The following FYTTD1 variants were observed in gnomAD, a reference collection of about 807,000 sequenced individuals.
FYTTD1 encodes UAP56-interacting factor.
FYTTD1 carries 22 observed loss-of-function variants against 40.9 expected under a neutral mutation model. That is an observed-to-expected ratio of 0.54 (90% CI 0.38 to 0.77). The LOEUF (loss-of-function observed/expected upper bound fraction) is 0.77. FYTTD1 is among the 30% of genes least tolerant of loss of function. The pLI, the probability that FYTTD1 is intolerant of heterozygous loss-of-function variation, is 0.00. For missense variants in FYTTD1, 351 were observed against 392.2 expected, an observed-to-expected ratio of 0.90 and a Z score of 0.89; for synonymous variants, 140 against 137.9, an observed-to-expected ratio of 1.01 and a Z score of -0.10.
chr3:197,767,796 A>G (rs966385778), intron 2 of FYTTD1, among the ~76,000 whole-genome samples: 1 of 152,240 alleles, frequency 6.6e-6, no homozygotes, highest in African/African-American at 2.4e-5. Context: ...TGGAAAACCA[A>G]AGTTGGTAAT....
At chr3:197,770,080 G>C (rs1729671384) in intron 3 of FYTTD1, 52 bp from the exon 4 acceptor site, 2 of 981,400 alleles carry the variant, frequency 2.0e-6, no homozygotes. Flanking sequence ...TATTGTAGTA[G>C]AGTATATAGA....
chr3:197,753,994 C>T (rs1262318636), intron 1 of FYTTD1, among the ~76,000 whole-genome samples: 3 of 152,142 alleles, frequency 2.0e-5, no homozygotes, highest in Non-Finnish European at 4.4e-5. Context: ...CCCACTTCGG[C>T]CTCCCAAAGT....
At chr3:197,764,527 G>C (rs1176057969) in intron 2 of FYTTD1, among the ~76,000 whole-genome samples, 1 of 152,042 alleles carries the variant, frequency 6.6e-6, no homozygotes, top group Non-Finnish European at 1.5e-5. Flanking sequence ...GGCCAACATA[G>C]TGAAACCCCA....
intron 4 of FYTTD1, among the ~76,000 whole-genome samples, chr3:197,772,758 G>A (rs1264066621): frequency 6.6e-6 from 1 of 152,146 alleles, no homozygotes; most frequent in African/African-American, 2.4e-5. Flanking sequence ...ACAGGCGTGT[G>A]CCACCAAGGC....
chr3:197,776,977 A>G lies in FYTTD1; in HGVS notation c.707A>G (p.Asn236Ser). 6.2e-7 allele frequency: 1 copy of G among 1,611,490 alleles called. No homozygotes were observed. The highest frequency in any genetic ancestry group is 2.2e-5 in the East Asian group (1 of 44,848). The change falls in exon 7 of 9, where the codon AAT becomes AGT. Residue 236 changes from asparagine to serine, a missense_variant. By Grantham distance (46) the Asn-to-Ser change is conservative (BLOSUM62 1). Transcript: ENST00000241502. ...GGGATTTTGACTGTATCTATTGACA[A>G]TCCTGGAGCAGTGCAATGCCCAGTG... The part of the protein sequence containing the change: ...NGGILTVSID[N>S]PGAVQCPVTQ...
chr3:197,750,113 G>A, intron 1 of FYTTD1, 39 bp downstream of exon 1: 3 of 1,451,150 alleles, frequency 2.1e-6, no homozygotes, highest in East Asian at 2.8e-5. Flanking sequence ...GTGCGGGGGA[G>A]GGCGCGGGTG....
chr3:197,766,727 G>T (rs1729561970), intron 2 of FYTTD1, among the ~76,000 whole-genome samples: 1 of 152,016 alleles, frequency 6.6e-6, no homozygotes, highest in African/African-American at 2.4e-5. Context: ...ATAGGCATCA[G>T]CCACCATGCC....
Position 197,773,454 on chromosome 3 carries a change from G to A in FYTTD1, c.549G>A (p.Gln183=). The A allele has an allele frequency of 6.2e-7, 1 of 1,603,836 alleles. No homozygotes were observed. Among genetic ancestry groups the A allele is most frequent in the Middle Eastern group, 1.7e-4 (1 of 6,048 alleles). ...FTRSGNKLNH[Q]KDTRQATFLF... ...GGAGTGGAAATAAATTAAATCATCA[G>A]AAAGATACTCGTCAGGCAACTTTTC... The change falls in exon 5 of 9, where the codon CAG becomes CAA. Residue 183 remains glutamine, a synonymous_variant. Coordinates refer to ENST00000241502, the MANE Select transcript of FYTTD1 (RefSeq NM_032288.7).
At chr3:197,762,075 T>C (rs1729405193) in intron 2 of FYTTD1, among the ~76,000 whole-genome samples, 1 of 152,194 alleles carries the variant, frequency 6.6e-6, no homozygotes, top group Non-Finnish European at 1.5e-5. Flanking sequence ...ATCCCATTCA[T>C]GGTGGCTCCA....
intron 2 of FYTTD1, among the ~76,000 whole-genome samples, chr3:197,759,386 G>A (rs1475012468): frequency 6.6e-6 from 1 of 152,178 alleles, no homozygotes; most frequent in Non-Finnish European, 1.5e-5. Context: ...TTCTTCAGTG[G>A]TAGAACGTAT....
At chr3:197,758,111 C>A (rs1038816509) in intron 2 of FYTTD1, among the ~76,000 whole-genome samples, 2 of 151,940 alleles carry the variant, frequency 1.3e-5, no homozygotes, top group African/African-American at 4.8e-5. Flanking sequence ...CCACGTTGGT[C>A]AGGCTGGTCT....
chr3:197,766,430 G>GGTGTGGGTGTGTGTGTGTGTGTGTGT (rs1729549328), intron 2 of FYTTD1, among the ~76,000 whole-genome samples: 1 of 134,996 alleles, frequency 7.4e-6, no homozygotes, highest in Non-Finnish European at 1.6e-5. Context: ...GTTTGAGACT[G>GGTGTGGGTGTGTGTGTGTGTGTGTGT]GTGTGTGTGT....
chr3:197,754,045 G>A (rs1337675971), intron 1 of FYTTD1, among the ~76,000 whole-genome samples: 1 of 152,066 alleles, frequency 6.6e-6, no homozygotes, highest in Non-Finnish European at 1.5e-5. Context: ...CGGCCTATAT[G>A]CTATATTTTA....
At position 197,777,760 on chromosome 3, in the gene FYTTD1, G is replaced by C. The variant is rs116210430; in HGVS notation, c.732-578G>C. 2.6e-3 allele frequency among the ~76,000 whole-genome samples: 402 copies of C among 152,110 alleles called. 1 individual carries two copies. Among genetic ancestry groups the C allele is most frequent in the African/African-American group, 9.3e-3 (384 of 41,496 alleles). On this transcript the variant is annotated intron_variant, in intron 7 of 8. Coordinates refer to ENST00000241502, the MANE Select transcript of FYTTD1 (RefSeq NM_032288.7). ...GATAACGTCTCACTCTGATGCCCAG[G>C]CTAGAGTGCAGTGGTGCCACCATAG...
chr3:197,757,364 AAT>A (rs1390167106), intron 2 of FYTTD1, among the ~76,000 whole-genome samples: 3 of 152,386 alleles, frequency 2.0e-5, no homozygotes, highest in Admixed American at 6.5e-5. Flanking sequence ...GATATGTAAA[AAT>A]ATGTTTGACA....
At chr3:197,750,601 G>T in intron 1 of FYTTD1, 1 of 985,356 alleles carries the variant, frequency 1.0e-6, no homozygotes, top group Non-Finnish European at 1.2e-6. Context: ...GGCCGGCGCC[G>T]GCCATGGCTG....
Position 197,782,592 on chromosome 3 carries a change from G to C in FYTTD1, c.*683G>C, listed in dbSNP as rs989178077. 2.0e-5 allele frequency: 3 copies of C among 152,184 alleles called. No homozygotes were observed. Among genetic ancestry groups the C allele is most frequent in the African/African-American group, 7.2e-5 (3 of 41,414 alleles). The allele number at this position is 152,184 out of a possible 1,614,324, so 9.4% of individuals were successfully genotyped here. A position where few individuals can be genotyped will look rare whatever the true frequency, so the allele number is the denominator to read the frequency against. On this transcript the variant is annotated 3_prime_UTR_variant, in exon 9 of 9. Transcript: ENST00000241502. ...TGCATATTCACAAAGTTATCTGATA[G>C]GGCCTTGGAGGAGAAGGTCCAGTTT... is the stretch of plus-strand genomic sequence containing the variant.
At position 197,770,171 on chromosome 3, in the gene FYTTD1, A is replaced by T. The variant is rs761485247; in HGVS notation, c.424A>T (p.Asn142Tyr). The change falls in exon 4 of 9, where the codon AAC (asparagine) becomes TAC (tyrosine). Residue 142 changes from asparagine (N) to tyrosine (Y), a missense_variant. Asn to Tyr is a moderately radical substitution (Grantham distance 143). Coordinates refer to ENST00000241502, the MANE Select transcript of FYTTD1 (RefSeq NM_032288.7). ...TTTTCCAGTGTTAAAAAGGAAGGCA[A>T]ACCTTCTGAGACAAAATGAAGGGCA... ...QYFPVLKRKANLLRQNEGQRK... is the reference protein window; with the variant it reads ...QYFPVLKRKAYLLRQNEGQRK... 1.2e-6 allele frequency: 2 copies of T among 1,612,582 alleles called. No homozygotes were observed. Among genetic ancestry groups the T allele is most frequent in the Non-Finnish European group, 1.7e-6 (2 of 1,178,984 alleles).
rs1234875766 is a variant in FYTTD1 at position 197,784,286 on chromosome 3, A to G, written c.*2377A>G. ...TCATTTTTAACAAATAAAATGTTAC[A>G]GGTTTCACATGATTTATTCTCAGCT... On this transcript the variant is annotated 3_prime_UTR_variant, in exon 9 of 9. Transcript: ENST00000241502. The G allele has an allele frequency of 6.6e-6, 1 of 152,218 alleles. No individual in the cohort carries two copies. Among genetic ancestry groups the G allele is most frequent in the Non-Finnish European group, 1.5e-5 (1 of 68,026 alleles). 9.4% of individuals were successfully genotyped at this position (152,218 alleles called of 1,614,324 possible).
Sources: gnomAD v4.1 joint callset for allele counts (sites outside exome capture counted in the v4.1 genomes callset) on GRCh38, gnomAD v4.1.1 for gene constraint, MANE v1.5 for transcripts, NCBI Gene and HGNC (gene_info 2026-07-23, HGNC 2026-07-21) for gene names.